The following PGR variants were observed in gnomAD, a reference collection of about 807,000 sequenced individuals.
PGR encodes nuclear receptor subfamily 3 group C member 3.
PGR carries 25 observed loss-of-function variants against 76.1 expected under a neutral mutation model. The observed-to-expected ratio is 0.33, with a 90% confidence interval of 0.24 to 0.46. The LOEUF is 0.46. Among genes scored for constraint, PGR ranks in the 20% least tolerant of loss-of-function variants. The pLI is 1.00. For missense variants in PGR, 1,172 were observed against 1,225.3 expected (o/e 0.96, Z 0.65); for synonymous variants, 579 against 535.0 (o/e 1.08, Z -1.14).
At chr11:101,107,989 C>T (rs1177365083) in intron 2 of PGR, among the ~76,000 whole-genome samples, 1 of 152,084 alleles carries the variant, frequency 6.6e-6, no homozygotes, top group Non-Finnish European at 1.5e-5. Context: ...TGCAGTGGCT[C>T]ACGCCTGTAA....
Position 101,127,437 on chromosome 11 carries a change from A to G in PGR, c.1634T>C (p.Leu545Pro). 1 of 1,549,234 alleles carries G rather than the reference A, an allele frequency of 6.5e-7. No homozygotes were observed. Among genetic ancestry groups the G allele is most frequent in the Non-Finnish European group, 8.7e-7 (1 of 1,149,690 alleles). ...PQVYPPYLNY[L>P]RPDSEASQSP... ...GTGCCCCGTCCCGGGCCCTCACCTC[A>G]GGTAGTTGAGATAGGGCGGGTAGAC... Residue 545 changes from leucine to proline, a missense_variant, in exon 1 of 8, where the codon CTG becomes CCG. Transcript: ENST00000325455.
chr11:101,114,961 A>G (rs1285255481), intron 2 of PGR, among the ~76,000 whole-genome samples: 1 of 152,322 alleles, frequency 6.6e-6, no homozygotes, highest in East Asian at 1.9e-4. Flanking sequence ...CCCATTGTGC[A>G]TTCCACATTT....
intron 4 of PGR, among the ~76,000 whole-genome samples, chr11:101,060,229 T>G (rs1005652195): frequency 6.6e-6 from 1 of 152,102 alleles, no homozygotes; most frequent in African/African-American, 2.4e-5. Flanking sequence ...ATAAGCAAGT[T>G]AGTTGACATT....
chr11:101,070,285 T>C (rs1860882170), intron 3 of PGR, among the ~76,000 whole-genome samples: 1 of 152,172 alleles, frequency 6.6e-6, no homozygotes, highest in African/African-American at 2.4e-5. Context: ...GAACAATGTG[T>C]TCCGGCCCAG....
Position 101,128,935 on chromosome 11 carries a change from G to T in PGR, c.136C>A (p.Pro46Thr). Residue 46 changes from proline to threonine, a missense_variant, in exon 1 of 8, where the codon CCT becomes ACT. Physicochemically the swap from Pro to Thr is conservative, Grantham distance 38 (BLOSUM62 -1). Transcript: ENST00000325455. ...FPGSQTSDTL[P>T]EVSAIPISLD... ...GAGATAGGTATGGCCGAAACTTCAG[G>T]CAAGGTGTCCGAGGTCTGGCTCCCC... 1 of 1,612,170 alleles carries T rather than the reference G, an allele frequency of 6.2e-7. No homozygotes were observed. Among genetic ancestry groups the T allele is most frequent in the Non-Finnish European group, 8.5e-7 (1 of 1,178,716 alleles).
chr11:101,058,441 A>G (rs1039938989), intron 4 of PGR, among the ~76,000 whole-genome samples: 2 of 152,298 alleles, frequency 1.3e-5, no homozygotes, highest in Middle Eastern at 3.4e-3. Context: ...CACTGACTCA[A>G]AAGTTGTTTT....
At chr11:101,084,701 C>T (rs1216976436) in intron 3 of PGR, among the ~76,000 whole-genome samples, 1 of 150,906 alleles carries the variant, frequency 6.6e-6, no homozygotes, top group African/African-American at 2.4e-5. Context: ...CTAGGAAAAC[C>T]AGACTCATCC....
At chr11:101,068,850 C>G (rs1367247640) in intron 3 of PGR, among the ~76,000 whole-genome samples, 3 of 152,100 alleles carry the variant, frequency 2.0e-5, no homozygotes, top group Non-Finnish European at 1.5e-5. Context: ...TTCCCTACAC[C>G]TAATACAAAA....
Position 101,036,014 on chromosome 11 carries a change from G to A in PGR, c.*3102C>T, listed in dbSNP as rs759760035. 4.4e-6 allele frequency: 1 copy of A among 225,086 alleles called. No individual in the cohort carries two copies. Among genetic ancestry groups the A allele is most frequent in the Non-Finnish European group, 8.8e-6 (1 of 113,070 alleles). 13.9% of individuals were successfully genotyped at this position (225,086 alleles called of 1,614,324 possible). ...ATTACAAAGCACTTGGGAAAGGCAGGTTTAATCAGAGCAGTTAAATGACTT... is the reference window on the plus strand; with the variant it reads ...ATTACAAAGCACTTGGGAAAGGCAGATTTAATCAGAGCAGTTAAATGACTT... On this transcript the variant is annotated 3_prime_UTR_variant, in exon 8 of 8. Transcript: ENST00000325455.
At chr11:101,041,887 A>T in intron 7 of PGR, 58 bp downstream of exon 7, 1 of 1,466,090 alleles carries the variant, frequency 6.8e-7, no homozygotes, top group African/African-American at 1.4e-5. Flanking sequence ...TAACATTTAA[A>T]AAGTTATAGA....
intron 3 of PGR, among the ~76,000 whole-genome samples, chr11:101,090,058 C>T (rs563065606): frequency 1.1e-4 from 16 of 152,134 alleles, no homozygotes; most frequent in Admixed American, 3.3e-4. Context: ...ATTAGCTGGG[C>T]GTAATGGCGG....
intron 3 of PGR, among the ~76,000 whole-genome samples, chr11:101,067,051 A>G (rs1860745576): frequency 6.6e-6 from 1 of 152,090 alleles, no homozygotes; most frequent in South Asian, 2.1e-4. Context: ...ACAAGGCCCA[A>G]CTTACCCTTG....
At chr11:101,068,618 T>C (rs2135420377) in intron 3 of PGR, among the ~76,000 whole-genome samples, 1 of 152,274 alleles carries the variant, frequency 6.6e-6, no homozygotes, top group African/African-American at 2.4e-5. Context: ...CTTCAAACTA[T>C]ACTTCAACTC....
At chr11:101,088,069 G>A (rs780821048) in intron 3 of PGR, among the ~76,000 whole-genome samples, 13 of 151,802 alleles carry the variant, frequency 8.6e-5, no homozygotes, top group Non-Finnish European at 1.6e-4. Flanking sequence ...GTGGTGGTGC[G>A]TGCCTGTAGT....
chr11:101,119,197 GC>G (rs1218301729), intron 2 of PGR, among the ~76,000 whole-genome samples: 1 of 152,120 alleles, frequency 6.6e-6, no homozygotes. Context: ...CTGCTTTGTG[GC>G]CCACTTCCTA....
intron 4 of PGR, among the ~76,000 whole-genome samples, chr11:101,053,845 C>A (rs976484274): frequency 6.6e-6 from 1 of 151,674 alleles, no homozygotes; most frequent in Non-Finnish European, 1.5e-5. Context: ...TCTGTGTGGG[C>A]AGAGTTCCCC....
At chr11:101,040,839 C>A (rs964648096) in intron 7 of PGR, among the ~76,000 whole-genome samples, 1 of 152,026 alleles carries the variant, frequency 6.6e-6, no homozygotes, top group Non-Finnish European at 1.5e-5. Flanking sequence ...TTGATTTTCT[C>A]TATTTTTTCT....
chr11:101,102,824 T>C (rs1489188167), intron 2 of PGR, among the ~76,000 whole-genome samples: 1 of 117,228 alleles, frequency 8.5e-6, no homozygotes, highest in Non-Finnish European at 1.6e-5. Flanking sequence ...ACAGGTTTCA[T>C]GAAAGACGAA....
chr11:101,080,407 G>C (rs1861265007), intron 3 of PGR, among the ~76,000 whole-genome samples: 1 of 150,888 alleles, frequency 6.6e-6, no homozygotes, highest in African/African-American at 2.4e-5. Context: ...CCCTAGAAAA[G>C]GGGTAAAAGG....
Sources: allele counts gnomAD v4.1 joint callset (sites outside exome capture counted in the v4.1 genomes callset), GRCh38; gene constraint gnomAD v4.1.1; transcripts MANE v1.5; gene names NCBI Gene and HGNC (gene_info 2026-07-23, HGNC 2026-07-21).